The following RIMS2 variants were observed in gnomAD, a reference collection of about 807,000 sequenced individuals.
RIMS2 encodes regulating synaptic membrane exocytosis protein 2.
A neutral mutation model predicts 174.4 loss-of-function variants in RIMS2; 59 were observed. The observed-to-expected ratio is 0.34, with a 90% CI of 0.27 to 0.42. The LOEUF is 0.42. Among genes scored for constraint, RIMS2 ranks in the 10% least tolerant of loss-of-function variants. The probability of loss-of-function intolerance (pLI) is 1.00; values close to 1 mark genes in which losing one functional copy is unlikely to be tolerated. For missense variants in RIMS2, 1,620 were observed against 1,666.3 expected (o/e 0.97, Z 0.48); for synonymous variants, 606 against 572.5 (o/e 1.06, Z -0.84).
At chr8:103,744,931 G>A (rs910430703) in intron 2 of RIMS2, among the ~76,000 whole-genome samples, 4 of 152,206 alleles carry the variant, frequency 2.6e-5, no homozygotes, top group African/African-American at 7.2e-5. Flanking sequence ...CAAATGTTGG[G>A]CTCAGGATCT....
intron 1 of RIMS2, among the ~76,000 whole-genome samples, chr8:103,681,421 A>C (rs2096879011): frequency 6.6e-6 from 1 of 152,074 alleles, no homozygotes; most frequent in African/African-American, 2.4e-5. Context: ...CAGGGAAGGG[A>C]AATCAAATTG....
chr8:103,876,903 T>TAC (rs1265409596), intron 3 of RIMS2, among the ~76,000 whole-genome samples: 5 of 67,778 alleles, frequency 7.4e-5, no homozygotes, highest in Non-Finnish European at 1.6e-4. Context: ...TATATATATA[T>TAC]ATATATACAC....
chr8:103,637,373 A>G (rs1251247235), intron 1 of RIMS2, among the ~76,000 whole-genome samples: 1 of 152,132 alleles, frequency 6.6e-6, no homozygotes, highest in African/African-American at 2.4e-5. Flanking sequence ...TCTTGAATTT[A>G]CTTTTTCTAG....
chr8:103,529,531 T>G (rs1438642750), intron 1 of RIMS2, among the ~76,000 whole-genome samples: 1 of 152,238 alleles, frequency 6.6e-6, no homozygotes, highest in African/African-American at 2.4e-5. Flanking sequence ...CTGTCACAGC[T>G]TCCCTTGGCT....
intron 8 of RIMS2, 86 bp downstream of exon 11, chr8:103,916,623 CT>C: frequency 1.8e-6 from 2 of 1,088,200 alleles, no homozygotes; most frequent in South Asian, 1.9e-5. Flanking sequence ...TTTCTGATTG[CT>C]TTATGGAAAT....
At chr8:103,877,842 A>G (rs1265248847) in intron 3 of RIMS2, among the ~76,000 whole-genome samples, 1 of 151,742 alleles carries the variant, frequency 6.6e-6, no homozygotes, top group Non-Finnish European at 1.5e-5. Flanking sequence ...CATTTTAATG[A>G]TATTGATTCT....
At chr8:104,129,123 G>T (rs2098453912) in intron 19 of RIMS2, among the ~76,000 whole-genome samples, 1 of 152,082 alleles carries the variant, frequency 6.6e-6, no homozygotes, top group African/African-American at 2.4e-5. Context: ...AATGGCTTAT[G>T]CCTGTAATCC....
intron 19 of RIMS2, among the ~76,000 whole-genome samples, chr8:104,065,763 A>C (rs180905744): frequency 6.6e-6 from 1 of 152,252 alleles, no homozygotes; most frequent in African/African-American, 2.4e-5. Context: ...TAAGACTCTA[A>C]TAAAGAATTT....
At chr8:103,773,225 T>C (rs2098273011) in intron 3 of RIMS2, among the ~76,000 whole-genome samples, 1 of 152,194 alleles carries the variant, frequency 6.6e-6, no homozygotes, top group South Asian at 2.1e-4. Flanking sequence ...TGTATAACCA[T>C]GTTGTATTTC....
chr8:103,818,263 G>A (rs1380563714), intron 3 of RIMS2, among the ~76,000 whole-genome samples: 12 of 152,036 alleles, frequency 7.9e-5, no homozygotes, highest in South Asian at 4.1e-4. Context: ...AGGGCAAAAA[G>A]GGCTGGATTT....
chr8:104,037,885 C>T (rs542366978), intron 19 of RIMS2, among the ~76,000 whole-genome samples: 28 of 152,094 alleles, frequency 1.8e-4, no homozygotes, highest in Admixed American at 7.2e-4. Context: ...GACAGTGGTT[C>T]CATAACATTA....
intron 15 of RIMS2, among the ~76,000 whole-genome samples, chr8:103,965,252 G>A (rs1248204691): frequency 6.6e-6 from 1 of 152,090 alleles, no homozygotes; most frequent in Non-Finnish European, 1.5e-5. Flanking sequence ...GGGAAGATTG[G>A]ACATCTTGAC....
At chr8:104,040,743 A>C (rs1168053004) in intron 19 of RIMS2, among the ~76,000 whole-genome samples, 1 of 151,704 alleles carries the variant, frequency 6.6e-6, no homozygotes, top group African/African-American at 2.4e-5. Flanking sequence ...TACTTCATAA[A>C]ATTTTAATGA....
intron 12 of RIMS2, among the ~76,000 whole-genome samples, chr8:103,935,892 C>T (rs934752334): frequency 4.6e-5 from 7 of 152,128 alleles, no homozygotes; most frequent in South Asian, 2.1e-4. Context: ...AGATATACAA[C>T]GAAAAAGAAC....
At chr8:103,686,116 T>C (rs2096937362) in intron 1 of RIMS2, among the ~76,000 whole-genome samples, 2 of 152,158 alleles carry the variant, frequency 1.3e-5, no homozygotes, top group Non-Finnish European at 2.9e-5. Flanking sequence ...TATAAAAATA[T>C]TCATTTTCAA....
At chr8:103,555,915 T>G (rs1850247150) in intron 1 of RIMS2, among the ~76,000 whole-genome samples, 1 of 152,144 alleles carries the variant, frequency 6.6e-6, no homozygotes, top group Non-Finnish European at 1.5e-5. Flanking sequence ...GAGGATATTA[T>G]GTTAAGTGAA....
Position 103,907,370 on chromosome 8 carries a change from C to T in RIMS2, c.1625-2764C>T, listed in dbSNP as rs538536477. On this transcript the variant is annotated intron_variant, in intron 4 of 23. Coordinates refer to ENST00000504942, the Ensembl canonical transcript of RIMS2. ...TCTATCCAATTGTTCTTCCTGACAT[C>T]TTTTCTAATCTTCATGATTGCCAAA... Among the ~76,000 whole-genome samples the T allele has an allele frequency of 3.3e-4, 50 of 152,304 alleles. 1 individual carries two copies. The highest frequency in any genetic ancestry group is 3.4e-3 in the Middle Eastern group (1 of 294).
chr8:103,944,214 T>G (rs2083194601), intron 14 of RIMS2, among the ~76,000 whole-genome samples: 2 of 152,072 alleles, frequency 1.3e-5, no homozygotes. Flanking sequence ...CCCCACATAG[T>G]AAACACCCAT....
chr8:103,599,509 G>C (rs2094613623), intron 1 of RIMS2, among the ~76,000 whole-genome samples: 2 of 151,112 alleles, frequency 1.3e-5, no homozygotes, highest in Non-Finnish European at 2.9e-5. Flanking sequence ...TGTGATCTCT[G>C]CTCAATGCAA....
Sources: gnomAD v4.1 joint callset for allele counts (sites outside exome capture counted in the v4.1 genomes callset) on GRCh38, gnomAD v4.1.1 for gene constraint, MANE v1.5 for transcripts, NCBI Gene and HGNC (gene_info 2026-07-23, HGNC 2026-07-21) for gene names.